Variants in DMXL1 observed in about 807,000 individuals in gnomAD.
DMXL1 encodes dmX-like protein 1.
A neutral mutation model predicts 319.2 loss-of-function variants in DMXL1; 99 were observed. The ratio of observed to expected loss-of-function variants is 0.31; its 90% CI spans 0.26 to 0.37. The LOEUF is 0.37. Among genes scored for constraint, DMXL1 ranks in the 10% least tolerant of loss-of-function variants. DMXL1 has a pLI of 1.00. For missense variants in DMXL1, 3,745 were observed against 3,595.6 expected (o/e 1.04, Z -1.06); for synonymous variants, 1,385 against 1,235.2 (o/e 1.12, Z -2.54).
chr5:119,108,112 C>T (rs544357569), intron 4 of DMXL1, among the ~76,000 whole-genome samples: 1 of 152,248 alleles, frequency 6.6e-6, no homozygotes, highest in African/African-American at 2.4e-5. Flanking sequence ...CCTGTAATCC[C>T]AGCAGTTTGG....
At chr5:119,112,916 A>G (rs143626356) in intron 5 of DMXL1, among the ~76,000 whole-genome samples, 109 of 152,272 alleles carry the variant, frequency 7.2e-4, no homozygotes, top group African/African-American at 2.5e-3. Context: ...AGATCACACC[A>G]CTGCACTCCA....
Position 119,134,004 on chromosome 5 carries a change from G to A in DMXL1, c.2080G>A (p.Ala694Thr). 1 of 1,614,134 alleles carries A rather than the reference G, an allele frequency of 6.2e-7. No homozygotes were observed. The highest frequency in any genetic ancestry group is 1.6e-4 in the Middle Eastern group (1 of 6,062). ...TQQNKSTVDV[A>T]FQDPSAVYSE... The stretch of plus-strand genomic sequence containing the variant: ...ACAAAATAAAAGCACTGTTGACGTG[G>A]CATTTCAGGATCCCAGTGCAGTTTA... The change falls in exon 12 of 44, where the codon GCA (alanine) becomes ACA (threonine). Residue 694 changes from alanine (A) to threonine (T), a missense_variant. By Grantham distance (58) the Ala-to-Thr change is moderately conservative. Around this residue, in one of 4 missense-constraint regions of DMXL1, gnomAD observed 2,096 missense variants for 1,985.4 expected, o/e 1.06. Coordinates refer to ENST00000539542, the MANE Select transcript of DMXL1 (RefSeq NM_001290321.3).
chr5:119,104,431 C>T lies in DMXL1; in HGVS notation c.286-749C>T, dbSNP rs185084364. On this transcript the variant is annotated intron_variant, in intron 3 of 43. Transcript: ENST00000539542. ...AACCTGAATTTTTGGGCACAGGTCTCGGAAATTTGAATTTTTAGTAACATC... is the reference window on the plus strand; with the variant it reads ...AACCTGAATTTTTGGGCACAGGTCTTGGAAATTTGAATTTTTAGTAACATC... Among the ~76,000 whole-genome samples the T allele has an allele frequency of 8.0e-4, 122 of 152,242 alleles. 1 individual carries two copies. The East Asian group carries it at 0.018, about 23-fold the overall frequency.
chr5:119,080,320 C>T (rs1751917932), intron 1 of DMXL1, among the ~76,000 whole-genome samples: 1 of 152,136 alleles, frequency 6.6e-6, no homozygotes, highest in Admixed American at 6.6e-5. Flanking sequence ...GCACTCCATC[C>T]TGGGCGACAG....
intron 1 of DMXL1, among the ~76,000 whole-genome samples, chr5:119,075,811 C>T (rs1036319086): frequency 5.9e-5 from 9 of 151,924 alleles, no homozygotes; most frequent in African/African-American, 1.9e-4. Context: ...GTGATCCTCC[C>T]GCCTTGGCCT....
In DMXL1 at chr5:119,116,159, A is replaced by G; in HGVS notation, c.566A>G (p.Asp189Gly). ...DGEFFATAGK[D>G]DCLLKVWYNV... is the part of the protein sequence containing the mutation. ...CTGTTTTGTTTTTTTTTTCCTTAGG[A>G]TGACTGTCTTTTGAAGGTTTGGTAT... Residue 189 changes from aspartate to glycine, a missense_variant and splice_region_variant, in exon 7 of 44, where the codon GAT (aspartate) becomes GGT (glycine). Coordinates refer to ENST00000539542, the MANE Select transcript of DMXL1 (RefSeq NM_001290321.3). The G allele has an allele frequency of 1.3e-6, 2 of 1,586,960 alleles. No individual in the cohort carries two copies. The highest frequency in any genetic ancestry group is 1.4e-5 in the African/African-American group (1 of 73,282).
At chr5:119,241,134 A>C (rs1788708886) in intron 42 of DMXL1, among the ~76,000 whole-genome samples, 1 of 152,194 alleles carries the variant, frequency 6.6e-6, no homozygotes. Context: ...TGTGTTTTAT[A>C]GGAAGCTAGA....
At chr5:119,113,408 A>AT (rs1363392364) in intron 5 of DMXL1, among the ~76,000 whole-genome samples, 16 of 152,076 alleles carry the variant, frequency 1.1e-4, no homozygotes, top group African/African-American at 3.9e-4. Flanking sequence ...CGCCTGGCTA[A>AT]TTTTTTGTAT....
chr5:119,127,953 T>C (rs2150013758), intron 9 of DMXL1: 2 of 384,248 alleles, frequency 5.2e-6, no homozygotes, highest in Non-Finnish European at 5.3e-6. Flanking sequence ...TTTAAGTCCA[T>C]GTCCTGAAGG....
chr5:119,225,747 T>C (rs1785428924), intron 38 of DMXL1, among the ~76,000 whole-genome samples: 1 of 152,122 alleles, frequency 6.6e-6, no homozygotes, highest in Non-Finnish European at 1.5e-5. Flanking sequence ...ATCTGTTACT[T>C]ATGCTAGAGG....
At chr5:119,219,372 A>G (rs904596491) in intron 35 of DMXL1, among the ~76,000 whole-genome samples, 1 of 152,194 alleles carries the variant, frequency 6.6e-6, no homozygotes, top group Non-Finnish European at 1.5e-5. Flanking sequence ...TAAAACATGC[A>G]GAATTTGGGA....
At chr5:119,217,436 T>G (rs1783878283) in intron 35 of DMXL1, among the ~76,000 whole-genome samples, 1 of 152,172 alleles carries the variant, frequency 6.6e-6, no homozygotes, top group Non-Finnish European at 1.5e-5. Flanking sequence ...CTTAAATTTC[T>G]ACTTAACATC....
intron 29 of DMXL1, among the ~76,000 whole-genome samples, chr5:119,192,134 A>C (rs1442792596): frequency 6.6e-6 from 1 of 152,058 alleles, no homozygotes; most frequent in Non-Finnish European, 1.5e-5. Flanking sequence ...TTAATTGATG[A>C]CCTCACCTTG....
chr5:119,087,164 CATTT>C (rs963270435), intron 1 of DMXL1, among the ~76,000 whole-genome samples: 1 of 150,040 alleles, frequency 6.7e-6, no homozygotes, highest in Non-Finnish European at 1.5e-5. Context: ...GTCTCTATTT[CATTT>C]ATTTATGCTC....
At chr5:119,152,161 CTTTA>C (rs1180170047) in intron 19 of DMXL1, 125 bp downstream of exon 19, 7 of 622,362 alleles carry the variant, frequency 1.1e-5, no homozygotes, top group Non-Finnish European at 1.9e-5. Flanking sequence ...TTTAAGTTTC[CTTTA>C]TTTGTTAAAA....
intron 9 of DMXL1, chr5:119,127,687 C>T (rs907791128): frequency 1.1e-5 from 2 of 187,160 alleles, no homozygotes; most frequent in Admixed American, 1.2e-4. Flanking sequence ...GATTTGCCTG[C>T]TCTGGCCTCC....
intron 6 of DMXL1, among the ~76,000 whole-genome samples, chr5:119,115,690 AT>A (rs1385132037): frequency 1.3e-5 from 2 of 152,138 alleles, no homozygotes; most frequent in African/African-American, 4.8e-5. Context: ...TACAAAGAAT[AT>A]TTTATATAGT....
Position 119,171,004 on chromosome 5 carries a change from G to A in DMXL1, c.6213G>A (p.Gln2071=), listed in dbSNP as rs549566961. The change falls in exon 24 of 44, where the codon CAG becomes CAA. Residue 2071 remains glutamine (Q), a synonymous_variant. Coordinates refer to ENST00000539542, the MANE Select transcript of DMXL1 (RefSeq NM_001290321.3). ...HWLEKEVIAL[Q]RTCDFCSDAE... ...TTGAAAAAGAGGTGATAGCTCTTCAGAGGACTTGTGACTTTTGCTCAGATG... is the reference window on the plus strand; with the variant it reads ...TTGAAAAAGAGGTGATAGCTCTTCAAAGGACTTGTGACTTTTGCTCAGATG... 100 of 1,613,888 alleles carry A rather than the reference G, an allele frequency of 6.2e-5. 1 individual carries two copies. Among genetic ancestry groups the A allele is most frequent in the South Asian group, 5.6e-4 (51 of 91,056 alleles).
In DMXL1 at chr5:119,146,846, C is replaced by G; in HGVS notation, c.2579C>G (p.Pro860Arg). 1.2e-6 allele frequency: 2 copies of G among 1,609,644 alleles called. No homozygotes were observed. The highest frequency in any genetic ancestry group is 1.7e-6 in the Non-Finnish European group (2 of 1,177,736). The change falls in exon 16 of 44, where the codon CCT (proline) becomes CGT (arginine). Residue 860 changes from proline (P) to arginine (R), a missense_variant. Pro to Arg is a moderately radical substitution (Grantham distance 103, BLOSUM62 -2). Around this residue, in one of 4 missense-constraint regions of DMXL1, gnomAD observed 2,096 missense variants for 1,985.4 expected, o/e 1.06. Coordinates refer to ENST00000539542, the MANE Select transcript of DMXL1 (RefSeq NM_001290321.3). ...TCATTAATACCAACAGGCAGCTCAC[C>G]TAATGGATTTTCTGAGAAGTTCTAC... ...DSILSNAGSS[P>R]NGFSEKFYLI...
Sources: allele counts gnomAD v4.1 joint callset (sites outside exome capture counted in the v4.1 genomes callset), GRCh38; gene constraint gnomAD v4.1.1; regional missense constraint gnomAD v4.1.1; transcripts MANE v1.5; gene names NCBI Gene and HGNC (gene_info 2026-07-23, HGNC 2026-07-21).